MYO18B: variants seen among roughly 807,000 people sequenced by gnomAD.
MYO18B encodes the protein myosin XVIIIB.
In MYO18B, 204 loss-of-function variants were observed where a neutral mutation model predicts 273.0. That is an observed-to-expected ratio of 0.75 (90% CI 0.67 to 0.84). The LOEUF (loss-of-function observed/expected upper bound fraction) is 0.84, where lower values mean the gene tolerates loss of function less well. MYO18B is among the 40% of genes least tolerant of loss of function. MYO18B has a pLI of 0.00. For synonymous variants in MYO18B, 1,330 were observed against 1,305.7 expected (o/e 1.02, Z -0.40); for missense variants, 3,212 against 3,287.6 (o/e 0.98, Z 0.56).
In MYO18B at chr22:25,903,666, G is replaced by A. The variant is rs760408652; in HGVS notation, c.4983G>A (p.Gln1661=). ...KEQEASQLKQ[Q]VEMLQDHKRE... ...AGGAAGCCTCACAGCTGAAGCAGCA[G>A]GTGGAGATGCTACAGGACCATAAAC... is the stretch of plus-strand genomic sequence containing the variant. Residue 1661 remains glutamine, a synonymous_variant, in exon 31 of 44, where the codon CAG becomes CAA. Transcript: ENST00000335473. 3.7e-6 allele frequency: 6 copies of A among 1,609,792 alleles called. No homozygotes were observed. The highest frequency in any genetic ancestry group is 3.3e-4 in the Middle Eastern group (2 of 6,046).
Position 25,835,293 on chromosome 22 carries a change from C to T in MYO18B, c.3061-3C>T. On this transcript the variant is annotated splice_region_variant and splice_polypyrimidine_tract_variant and intron_variant, in intron 16 of 43. Transcript: ENST00000335473. The stretch of plus-strand genomic sequence containing the variant: ...CTTCAGTGAATCCTGGTTCTCCCAG[C>T]AGGTCCGCTTACCAGCTGGAGGAGG... The T allele has an allele frequency of 1.2e-6, 2 of 1,613,172 alleles. No individual in the cohort carries two copies. The highest frequency in any genetic ancestry group is 1.7e-6 in the Non-Finnish European group (2 of 1,179,548).
At position 25,853,395 on chromosome 22, in the gene MYO18B, G is replaced by C. The variant is rs2090480236; in HGVS notation, c.3885+1816G>C. Among the ~76,000 whole-genome samples, 6 of 152,230 alleles carry C rather than the reference G, an allele frequency of 3.9e-5. No individual in the cohort carries two copies. The South Asian group carries it at 1.2e-3, about 31-fold the overall frequency. On this transcript the variant is annotated intron_variant, in intron 21 of 43. Transcript: ENST00000335473. ...AGTAGACAAGGCAATGCCTTCTGCAGGGCCCTCCTAACTCACTATGGAGGG... is the reference window on the plus strand; with the variant it reads ...AGTAGACAAGGCAATGCCTTCTGCACGGCCCTCCTAACTCACTATGGAGGG...
chr22:26,011,183 G>A (rs1339002039), intron 42 of MYO18B, among the ~76,000 whole-genome samples: 3 of 151,480 alleles, frequency 2.0e-5, no homozygotes, highest in Non-Finnish European at 4.4e-5. Context: ...GTTTCCTTCT[G>A]GGGCAACAAG....
chr22:25,984,536 T>C (rs1017001483), intron 39 of MYO18B, among the ~76,000 whole-genome samples: 1 of 152,144 alleles, frequency 6.6e-6, no homozygotes, highest in African/African-American at 2.4e-5. Context: ...ATGCCTGTAA[T>C]CCCAGAGCTT....
intron 21 of MYO18B, among the ~76,000 whole-genome samples, chr22:25,857,668 T>C (rs1019527607): frequency 1.3e-5 from 2 of 152,244 alleles, no homozygotes; most frequent in African/African-American, 4.8e-5. Flanking sequence ...TTTGTTTGTT[T>C]TTTGAGACAG....
Position 25,989,626 on chromosome 22 carries a change from CAAAAAA to C in MYO18B, c.6157-2716_6157-2711del, listed in dbSNP as rs56004208. ...TGAAACCCTGTCTCTACTAAAAATA[CAAAAAA>C]AAAAAAAAAAAAAAAAAAAAGCCAG... On this transcript the variant is annotated intron_variant, in intron 39 of 43. Transcript: ENST00000335473. Among the ~76,000 whole-genome samples, 799 of 88,566 alleles carry C rather than the reference CAAAAAA, an allele frequency of 9.0e-3. 1 individual carries two copies. Among genetic ancestry groups the C allele is most frequent in the Non-Finnish European group, 0.011 (550 of 49,154 alleles). The allele number at this position is 88,566 out of a possible 152,430, so 58.1% of individuals were successfully genotyped here.
At position 25,990,745 on chromosome 22, in the gene MYO18B, A is replaced by C. The variant is rs1197725082; in HGVS notation, c.6157-1618A>C. On this transcript the variant is annotated intron_variant, in intron 39 of 43. Transcript: ENST00000335473. Reference sequence around the variant, plus strand: ...AGAAAAAGAAAAAAAAAAAGACTCCAGGCTAAGAGAGGGGCTGTGAGCCAT... The same window carrying C: ...AGAAAAAGAAAAAAAAAAAGACTCCCGGCTAAGAGAGGGGCTGTGAGCCAT... Among the ~76,000 whole-genome samples, 9 of 138,840 alleles carry C rather than the reference A, an allele frequency of 6.5e-5. 1 individual carries two copies. Among genetic ancestry groups the C allele is most frequent in the Admixed American group, 1.5e-4 (2 of 13,562 alleles). The allele number at this position is 138,840 out of a possible 152,430, so 91.1% of individuals were successfully genotyped here.
At chr22:25,902,794 T>C in intron 30 of MYO18B, 58 bp downstream of exon 30, 3 of 1,525,358 alleles carry the variant, frequency 2.0e-6, no homozygotes, top group Non-Finnish European at 2.7e-6. Flanking sequence ...CTCGGGAAAC[T>C]GCATCGTGCA....
intron 34 of MYO18B, among the ~76,000 whole-genome samples, chr22:25,921,847 T>TGC (rs1465649035): frequency 3.1e-4 from 43 of 138,832 alleles, no homozygotes; most frequent in African/African-American, 1.1e-3. Flanking sequence ...TGTGTGTGTG[T>TGC]GTGTGTGTGG....
intron 42 of MYO18B, among the ~76,000 whole-genome samples, chr22:26,017,964 TTTG>T (rs140225087): frequency 0.22 from 13,773 of 61,648 alleles, 889 homozygotes; most frequent in East Asian, 0.27. Context: ...ATTTTACTGT[TTTG>T]TTTTTTTTTT....
At chr22:25,919,253 A>AT (rs1299792304) in intron 33 of MYO18B, among the ~76,000 whole-genome samples, 1 of 151,950 alleles carries the variant, frequency 6.6e-6, no homozygotes, top group Admixed American at 6.6e-5. Flanking sequence ...CATAATATAT[A>AT]TTTTTTCAGA....
chr22:25,904,651 A>G (rs1347791422), intron 31 of MYO18B, among the ~76,000 whole-genome samples: 4 of 152,372 alleles, frequency 2.6e-5, no homozygotes, highest in East Asian at 3.9e-4. Context: ...GCAAAGTACC[A>G]GATGAATACT....
In MYO18B at chr22:25,890,544, T is replaced by C. The variant is rs150378747; in HGVS notation, c.4315-212T>C. On this transcript the variant is annotated intron_variant, in intron 25 of 43. Coordinates refer to ENST00000335473, the MANE Select transcript of MYO18B (RefSeq NM_032608.7). ...GAGAAAACTGAGAACCAGCAAGGCA[T>C]CCTGCTTGGTGTAAAATCACACAGC... Among the ~76,000 whole-genome samples the C allele has an allele frequency of 2.6e-5, 4 of 152,310 alleles. No individual in the cohort carries two copies. In the East Asian group the frequency reaches 7.7e-4, roughly 29 times the overall value.
chr22:25,963,057 G>T lies in MYO18B; in HGVS notation c.6156+7693G>T, dbSNP rs145488682. Among the ~76,000 whole-genome samples the T allele has an allele frequency of 4.7e-3, 704 of 151,084 alleles. 7 individuals are homozygous for T. The highest frequency in any genetic ancestry group is 0.02 in the South Asian group (95 of 4,732). The stretch of plus-strand genomic sequence containing the variant: ...CAACCTGTTTTCTTTTGCTTTCCTT[G>T]TTCTTCCTTATTCTTCCTTAGTTCT... On this transcript the variant is annotated intron_variant, in intron 39 of 43. Coordinates refer to ENST00000335473, the MANE Select transcript of MYO18B (RefSeq NM_032608.7).
chr22:25,895,011 T>C, intron 27 of MYO18B, 145 bp from the exon 28 acceptor site: 1 of 959,328 alleles, frequency 1.0e-6, no homozygotes, highest in Non-Finnish European at 1.5e-6. Context: ...AAGCATAGTT[T>C]CTTGGTCCAA....
intron 21 of MYO18B, among the ~76,000 whole-genome samples, chr22:25,854,402 G>A (rs560888386): frequency 6.6e-6 from 1 of 152,032 alleles, no homozygotes; most frequent in Admixed American, 6.6e-5. Flanking sequence ...ATTTCACAGC[G>A]TAGGCAGCTG....
At chr22:25,825,992 A>G (rs547586183) in intron 13 of MYO18B, among the ~76,000 whole-genome samples, 17 of 152,344 alleles carry the variant, frequency 1.1e-4, no homozygotes, top group African/African-American at 4.1e-4. Flanking sequence ...GACAGCGCCT[A>G]TCTTCAGGGC....
In MYO18B at chr22:25,777,713, C is replaced by T; in HGVS notation, c.2000C>T (p.Thr667Ile). The T allele has an allele frequency of 3.7e-6, 6 of 1,612,314 alleles. No homozygotes were observed. The highest frequency in any genetic ancestry group is 5.1e-6 in the Non-Finnish European group (6 of 1,179,056). The change falls in exon 8 of 44, where the codon ACC (threonine) becomes ATC (isoleucine). Residue 667 changes from threonine to isoleucine, a missense_variant. By Grantham distance (89) the Thr-to-Ile change is moderately conservative. Coordinates refer to ENST00000335473, the MANE Select transcript of MYO18B (RefSeq NM_032608.7). ...CTGGGCTGGAGTGGCGCTGGGAAGA[C>T]CACCTGCTGTGAGCAGGTCCTGGAA... ...VALGWSGAGK[T>I]TCCEQVLEHL... is the part of the protein sequence containing the mutation.
chr22:25,756,509 A>G (rs545152308), intron 1 of MYO18B: 14 of 152,216 alleles, frequency 9.2e-5, no homozygotes, highest in Admixed American at 5.2e-4. Context: ...GCATTTGCCA[A>G]TTTCCGTGGT....
Sources: gnomAD v4.1 joint callset for allele counts (sites outside exome capture counted in the v4.1 genomes callset) on GRCh38, gnomAD v4.1.1 for gene constraint, MANE v1.5 for transcripts, NCBI Gene and HGNC (gene_info 2026-07-23, HGNC 2026-07-21) for gene names.